CADM1: variants seen among roughly 807,000 people sequenced by gnomAD.
CADM1 encodes TSLC-1.
In CADM1, 15 loss-of-function variants were observed where a neutral mutation model predicts 53.1. That is an observed-to-expected ratio of 0.28 (90% confidence interval 0.19 to 0.44). CADM1 has a LOEUF of 0.44. Ranked by LOEUF, CADM1 falls within the 20% of genes least tolerant of loss-of-function variation. The probability of loss-of-function intolerance (pLI) is 1.00; values close to 1 mark genes in which losing one functional copy is unlikely to be tolerated. For synonymous variants in CADM1, 281 were observed against 243.0 expected (o/e 1.16, Z -1.45); for missense variants, 434 against 611.3 (o/e 0.71, Z 3.06).
chr11:115,183,813 G>T (rs930585674), intron 10 of CADM1, among the ~76,000 whole-genome samples: 1 of 152,084 alleles, frequency 6.6e-6, no homozygotes, highest in Non-Finnish European at 1.5e-5. Context: ...TCATTTTTAC[G>T]TTTAAGCCAT....
intron 10 of CADM1, among the ~76,000 whole-genome samples, chr11:115,189,597 G>T (rs1249758544): frequency 6.6e-6 from 1 of 152,056 alleles, no homozygotes; most frequent in Non-Finnish European, 1.5e-5. Flanking sequence ...AATAAAACTA[G>T]GTAAATGTTT....
intron 1 of CADM1, among the ~76,000 whole-genome samples, chr11:115,376,988 T>A (rs1052109424): frequency 6.6e-6 from 1 of 152,200 alleles, no homozygotes; most frequent in Non-Finnish European, 1.5e-5. Flanking sequence ...TCTGTCACTT[T>A]AATGTCTAGC....
chr11:115,502,289 A>C (rs1434184750), intron 1 of CADM1, among the ~76,000 whole-genome samples: 1 of 150,954 alleles, frequency 6.6e-6, no homozygotes, highest in East Asian at 1.9e-4. Flanking sequence ...TTAGTCAAAA[A>C]GCAATATCCC....
intron 1 of CADM1, among the ~76,000 whole-genome samples, chr11:115,469,020 A>C (rs1159133085): frequency 1.3e-5 from 2 of 152,124 alleles, no homozygotes; most frequent in Admixed American, 1.3e-4. Flanking sequence ...CCCCATGATT[A>C]AATTACCTCC....
At chr11:115,385,400 T>C (rs1050448310) in intron 1 of CADM1, among the ~76,000 whole-genome samples, 2 of 152,150 alleles carry the variant, frequency 1.3e-5, no homozygotes, top group African/African-American at 4.8e-5. Flanking sequence ...TCTCCATCTG[T>C]TCATTTCTCT....
At chr11:115,428,879 G>T (rs1947968140) in intron 1 of CADM1, among the ~76,000 whole-genome samples, 1 of 152,020 alleles carries the variant, frequency 6.6e-6, no homozygotes, top group Admixed American at 6.6e-5. Context: ...CAATAAAAAG[G>T]TTACTGCCTC....
At chr11:115,381,777 C>T (rs1285759253) in intron 1 of CADM1, among the ~76,000 whole-genome samples, 1 of 152,172 alleles carries the variant, frequency 6.6e-6, no homozygotes, top group Non-Finnish European at 1.5e-5. Flanking sequence ...TGCTAGGGCA[C>T]CATTCCTCAA....
intron 1 of CADM1, among the ~76,000 whole-genome samples, chr11:115,365,221 T>C (rs935437919): frequency 2.0e-5 from 3 of 151,428 alleles, no homozygotes; most frequent in African/African-American, 7.3e-5. Flanking sequence ...GATTATTCCA[T>C]ATAAATCCAT....
intron 8 of CADM1, among the ~76,000 whole-genome samples, chr11:115,202,851 GTT>G (rs201336245): frequency 1.2e-4 from 18 of 145,364 alleles, no homozygotes; most frequent in African/African-American, 4.5e-4. Flanking sequence ...TATATGGTGG[GTT>G]TTTTTTTTTT....
At chr11:115,284,087 A>ACTCTCTCTCTCTCTCTCTCTCTCT (rs141079093) in intron 1 of CADM1, among the ~76,000 whole-genome samples, 707 of 47,304 alleles carry the variant, frequency 0.015, 51 homozygotes, top group Middle Eastern at 0.024. Context: ...AAGCCCAGAC[A>ACTCTCTCTCTCTCTCTCTCTCTCT]CTCTCTCTCT....
chr11:115,428,238 T>C (rs1947946805), intron 1 of CADM1, among the ~76,000 whole-genome samples: 1 of 152,134 alleles, frequency 6.6e-6, no homozygotes, highest in Admixed American at 6.6e-5. Context: ...TAGACATTTC[T>C]GGGTTGCTAT....
At chr11:115,276,083 A>G (rs942151181) in intron 1 of CADM1, among the ~76,000 whole-genome samples, 1 of 152,260 alleles carries the variant, frequency 6.6e-6, no homozygotes, top group African/African-American at 2.4e-5. Flanking sequence ...ATCATTACCC[A>G]TCATTAAAAA....
At chr11:115,338,280 G>C (rs758979902) in intron 1 of CADM1, among the ~76,000 whole-genome samples, 41 of 152,018 alleles carry the variant, frequency 2.7e-4, no homozygotes, top group Non-Finnish European at 4.4e-4. Context: ...ATCTTTTATA[G>C]ACAAGAAAAT....
At chr11:115,367,556 G>A (rs1946196031) in intron 1 of CADM1, among the ~76,000 whole-genome samples, 1 of 152,028 alleles carries the variant, frequency 6.6e-6, no homozygotes, top group South Asian at 2.1e-4. Flanking sequence ...GGAGTAACGA[G>A]AACACGAATC....
chr11:115,499,390 G>A (rs1041245394), intron 1 of CADM1, among the ~76,000 whole-genome samples: 6 of 152,122 alleles, frequency 3.9e-5, no homozygotes, highest in Admixed American at 2.0e-4. Context: ...TTTCTGTTGC[G>A]GCTGCCAAAT....
intron 5 of CADM1, among the ~76,000 whole-genome samples, chr11:115,225,638 A>C (rs1447210012): frequency 6.6e-6 from 1 of 152,174 alleles, no homozygotes; most frequent in Non-Finnish European, 1.5e-5. Flanking sequence ...AGCAATTCCA[A>C]GTTGCAGCTC....
intron 1 of CADM1, among the ~76,000 whole-genome samples, chr11:115,484,319 T>C (rs1193778175): frequency 6.6e-6 from 1 of 152,196 alleles, no homozygotes; most frequent in South Asian, 2.1e-4. Flanking sequence ...TAAGCTGACC[T>C]AGATTCTTCC....
intron 1 of CADM1, among the ~76,000 whole-genome samples, chr11:115,338,809 T>C (rs1945334700): frequency 6.6e-6 from 1 of 151,994 alleles, no homozygotes; most frequent in Admixed American, 6.6e-5. Context: ...CTGCAAGTGC[T>C]ATATGCTTTG....
chr11:115,206,758 C>CGTTTTTTTTTTT (rs1940705764), intron 8 of CADM1, among the ~76,000 whole-genome samples: 1 of 38,206 alleles, frequency 2.6e-5, no homozygotes, highest in Non-Finnish European at 4.5e-5. Context: ...CTGTGGACTT[C>CGTTTTTTTTTTT]TTTTTTTTTT....
Sources: allele counts gnomAD v4.1 joint callset (sites outside exome capture counted in the v4.1 genomes callset), GRCh38; gene constraint gnomAD v4.1.1; transcripts MANE v1.5; gene names NCBI Gene and HGNC (gene_info 2026-07-23, HGNC 2026-07-21).